The following CADM2 variants were observed in gnomAD, a reference collection of about 807,000 sequenced individuals.
CADM2 encodes immunoglobulin superfamily member 4D.
Under a neutral mutation model 49.8 loss-of-function variants are expected in CADM2, and 12 were observed. The ratio of observed to expected loss-of-function variants is 0.24; its 90% CI spans 0.15 to 0.39. The LOEUF (loss-of-function observed/expected upper bound fraction) is 0.39. Among genes scored for constraint, CADM2 ranks in the 10% least tolerant of loss-of-function variants. The probability of loss-of-function intolerance (pLI) is 1.00; values close to 1 mark genes in which losing one functional copy is unlikely to be tolerated. For synonymous variants in CADM2, 214 were observed against 175.4 expected (o/e 1.22, Z -1.74); for missense variants, 378 against 492.3 (o/e 0.77, Z 2.20).
chr3:85,951,033 G>A lies in CADM2; in HGVS notation c.792-10436G>A, dbSNP rs918085403. Among the ~76,000 whole-genome samples, 4 of 150,922 alleles carry A rather than the reference G, an allele frequency of 2.7e-5. No homozygotes were observed. The Admixed American group carries it at 2.7e-4, about 10-fold the overall frequency. ...TGTTTGAGTAGAAACTTTTGTTGTT[G>A]AGACTGGCAACAGGAGTCTTTGGGA... On this transcript the variant is annotated intron_variant, in intron 7 of 9. Coordinates refer to ENST00000383699, the MANE Select transcript of CADM2 (RefSeq NM_001167675.2).
At chr3:85,942,441 G>A (rs1452538050) in intron 7 of CADM2, among the ~76,000 whole-genome samples, 1 of 151,406 alleles carries the variant, frequency 6.6e-6, no homozygotes, top group Non-Finnish European at 1.5e-5. Flanking sequence ...CCACTAACTT[G>A]TCATCTAGCA....
chr3:85,404,172 T>C (rs1677527630), intron 1 of CADM2, among the ~76,000 whole-genome samples: 1 of 152,112 alleles, frequency 6.6e-6, no homozygotes, highest in South Asian at 2.1e-4. Context: ...AATGTTAGAA[T>C]TTGGAAAGAT....
intron 2 of CADM2, among the ~76,000 whole-genome samples, chr3:85,729,813 G>A (rs1438715710): frequency 1.3e-5 from 2 of 152,024 alleles, no homozygotes; most frequent in Non-Finnish European, 2.9e-5. Context: ...TAATATGAAT[G>A]TTTTCTTTCT....
chr3:85,192,599 CATAT>C (rs71859231), intron 1 of CADM2, among the ~76,000 whole-genome samples: 91 of 146,598 alleles, frequency 6.2e-4, no homozygotes, highest in Middle Eastern at 3.6e-3. Context: ...TATATGAATT[CATAT>C]ATATATATAT....
At chr3:85,384,469 G>T (rs906797393) in intron 1 of CADM2, among the ~76,000 whole-genome samples, 1 of 151,752 alleles carries the variant, frequency 6.6e-6, no homozygotes, top group African/African-American at 2.4e-5. Context: ...CCGCCACCAC[G>T]CCCGGCTAAT....
intron 1 of CADM2, among the ~76,000 whole-genome samples, chr3:85,090,503 A>G (rs1026893357): frequency 6.6e-6 from 1 of 152,210 alleles, no homozygotes; most frequent in African/African-American, 2.4e-5. Flanking sequence ...AACAGAATAG[A>G]TACAAAATAT....
In CADM2 at chr3:85,922,852, C is replaced by G. The variant is rs374436203; in HGVS notation, c.700+10309C>G. 1.5e-3 allele frequency among the ~76,000 whole-genome samples: 225 copies of G among 149,462 alleles called. 2 individuals are homozygous for G. Among genetic ancestry groups the G allele is most frequent in the Non-Finnish European group, 2.7e-3 (183 of 67,568 alleles). On this transcript the variant is annotated intron_variant, in intron 6 of 9. Coordinates refer to ENST00000383699, the MANE Select transcript of CADM2 (RefSeq NM_001167675.2). ...TGTTTTTTTTTTTGAGATGGAGTCT[C>G]GCTCTGTCACCCAGGCTGGAGTGCA...
At chr3:85,497,830 A>G (rs1295231795) in intron 1 of CADM2, among the ~76,000 whole-genome samples, 1 of 151,978 alleles carries the variant, frequency 6.6e-6, no homozygotes, top group East Asian at 1.9e-4. Context: ...CTGTCTATCT[A>G]TTTATCTATC....
intron 8 of CADM2, among the ~76,000 whole-genome samples, chr3:86,044,848 T>G (rs996120658): frequency 2.3e-4 from 35 of 152,144 alleles, no homozygotes; most frequent in Admixed American, 7.2e-4. Context: ...AGAAAATGTG[T>G]CACATATACA....
chr3:85,117,604 A>G (rs1167517156), intron 1 of CADM2, among the ~76,000 whole-genome samples: 1 of 152,186 alleles, frequency 6.6e-6, no homozygotes, highest in African/African-American at 2.4e-5. Flanking sequence ...ATAGCATTAC[A>G]GTTGTAAAAT....
chr3:85,992,697 T>G (rs1230447639), intron 8 of CADM2: 14 of 152,200 alleles, frequency 9.2e-5, no homozygotes, highest in Admixed American at 9.2e-4. Flanking sequence ...CGTACCTTAA[T>G]TTAAAGTTGT....
chr3:84,979,797 A>T (rs2032056800), intron 1 of CADM2, among the ~76,000 whole-genome samples: 2 of 152,104 alleles, frequency 1.3e-5, no homozygotes, highest in Non-Finnish European at 2.9e-5. Context: ...AACGTGGTGA[A>T]ATGCTTTTTT....
At chr3:85,617,906 T>C (rs1350061963) in intron 1 of CADM2, among the ~76,000 whole-genome samples, 1 of 152,148 alleles carries the variant, frequency 6.6e-6, no homozygotes, top group Admixed American at 6.6e-5. Context: ...ACGTTACATA[T>C]TATAATGAAA....
intron 1 of CADM2, among the ~76,000 whole-genome samples, chr3:85,649,399 T>G (rs985594785): frequency 2.6e-5 from 4 of 152,178 alleles, no homozygotes; most frequent in Admixed American, 6.6e-5. Flanking sequence ...ATGGCTGAGA[T>G]ATGCATTGCT....
chr3:86,042,817 G>A (rs1736128964), intron 8 of CADM2, among the ~76,000 whole-genome samples: 1 of 152,134 alleles, frequency 6.6e-6, no homozygotes, highest in African/African-American at 2.4e-5. Flanking sequence ...AACCATCAAT[G>A]CAAAAATCCT....
intron 1 of CADM2, among the ~76,000 whole-genome samples, chr3:85,350,374 A>G (rs1243836006): frequency 6.6e-6 from 1 of 152,180 alleles, no homozygotes; most frequent in African/African-American, 2.4e-5. Flanking sequence ...TATTTGTACC[A>G]TGATTTATTT....
chr3:85,548,356 A>G (rs1004318501), intron 1 of CADM2, among the ~76,000 whole-genome samples: 1 of 151,408 alleles, frequency 6.6e-6, no homozygotes, highest in African/African-American at 2.4e-5. Flanking sequence ...GCCATAGTCT[A>G]AGATGTTTAG....
At chr3:85,147,687 G>A (rs181299925) in intron 1 of CADM2, among the ~76,000 whole-genome samples, 8,883 of 112,744 alleles carry the variant, frequency 0.079, 382 homozygotes, top group Non-Finnish European at 0.12. Context: ...ATTTAGTATT[G>A]CACAATAAAG....
At chr3:85,320,270 A>G (rs1212729379) in intron 1 of CADM2, among the ~76,000 whole-genome samples, 2 of 152,202 alleles carry the variant, frequency 1.3e-5, no homozygotes, top group East Asian at 1.9e-4. Context: ...CAACTGAGAT[A>G]CTTTGCTCTA....
Sources: gnomAD v4.1 joint callset for allele counts (sites outside exome capture counted in the v4.1 genomes callset) on GRCh38, gnomAD v4.1.1 for gene constraint, MANE v1.5 for transcripts, NCBI Gene and HGNC (gene_info 2026-07-23, HGNC 2026-07-21) for gene names.